GNG12: variants seen among roughly 807,000 people sequenced by gnomAD.
GNG12 encodes guanine nucleotide-binding protein G(I)/G(S)/G(O) subunit gamma-12.
For missense variants in GNG12, 69 were observed against 83.8 expected (o/e 0.82, Z 0.69); for synonymous variants, 28 against 29.7 (o/e 0.94, Z 0.19).
intron 1 of GNG12, among the ~76,000 whole-genome samples, chr1:67,804,796 A>G (rs1240303119): frequency 6.6e-6 from 1 of 152,034 alleles, no homozygotes; most frequent in East Asian, 1.9e-4. Flanking sequence ...TCGTGTGGAC[A>G]AGTCAGGGAG....
intron 2 of GNG12, among the ~76,000 whole-genome samples, chr1:67,747,801 T>C (rs1460489222): frequency 6.6e-6 from 1 of 152,218 alleles, no homozygotes; most frequent in African/African-American, 2.4e-5. Context: ...AGTCACCATC[T>C]CTCCTCCTCT....
At chr1:67,741,303 G>A (rs1646481648) in intron 2 of GNG12, among the ~76,000 whole-genome samples, 1 of 152,182 alleles carries the variant, frequency 6.6e-6, no homozygotes, top group African/African-American at 2.4e-5. Context: ...TTGCACACCT[G>A]GACTTCATGG....
In GNG12 at chr1:67,833,303, G is replaced by A. The variant is rs1012511135; in HGVS notation, c.-77+41C>T. The A allele has an allele frequency of 1.1e-5, 9 of 816,416 alleles. No homozygotes were observed. The African/African-American group carries it at 1.7e-4, about 15-fold the overall frequency. The allele number at this position is 816,416 out of a possible 1,614,324, so 50.6% of individuals were successfully genotyped here. On this transcript the variant is annotated intron_variant, in intron 1 of 3. Coordinates refer to ENST00000370982, the MANE Select transcript of GNG12 (RefSeq NM_018841.6). ...CCCCGCGCCGCGCCCCGACCCCGCG[G>A]GGACCCGACTCACCACCCGCGCCCG...
intron 1 of GNG12, among the ~76,000 whole-genome samples, chr1:67,801,090 C>T (rs1176842286): frequency 6.6e-6 from 1 of 152,076 alleles, no homozygotes; most frequent in Non-Finnish European, 1.5e-5. Flanking sequence ...GGGCAGGAAA[C>T]TTTCCTAGAG....
intron 1 of GNG12, among the ~76,000 whole-genome samples, chr1:67,824,460 T>C (rs1444018715): frequency 2.1e-5 from 3 of 143,120 alleles, no homozygotes; most frequent in East Asian, 4.1e-4. Context: ...CAGTGAGCCA[T>C]GATTGTGCCA....
chr1:67,818,529 T>C (rs2100818603), intron 1 of GNG12, among the ~76,000 whole-genome samples: 1 of 148,094 alleles, frequency 6.8e-6, no homozygotes, highest in Non-Finnish European at 1.5e-5. Context: ...GTCCAGTTCC[T>C]AATCAGATTC....
chr1:67,809,029 C>G (rs1646908747), intron 1 of GNG12, among the ~76,000 whole-genome samples: 1 of 152,080 alleles, frequency 6.6e-6, no homozygotes, highest in African/African-American at 2.4e-5. Context: ...CACTTGATTT[C>G]AAGACTTATT....
chr1:67,814,630 T>C (rs1249608265), intron 1 of GNG12, among the ~76,000 whole-genome samples: 1 of 152,262 alleles, frequency 6.6e-6, no homozygotes, highest in Non-Finnish European at 1.5e-5. Flanking sequence ...TGTCCTCTTG[T>C]AGATTCTGAT....
At chr1:67,708,656 A>G (rs886765378) in intron 2 of GNG12, among the ~76,000 whole-genome samples, 25 of 152,192 alleles carry the variant, frequency 1.6e-4, no homozygotes, top group African/African-American at 6.0e-4. Context: ...GCTGGGGGAA[A>G]AGTGTTGCCT....
Position 67,701,680 on chromosome 1 carries a change from T to C in GNG12, c.*3771A>G, listed in dbSNP as rs1054988834. On this transcript the variant is annotated 3_prime_UTR_variant, in exon 4 of 4. Coordinates refer to ENST00000370982, the MANE Select transcript of GNG12 (RefSeq NM_018841.6). ...TATGGTTAATAAGATGCTGGACAGA[T>C]GCGTAGCCAAAGAATATTACATAAC... 2.0e-5 allele frequency: 3 copies of C among 152,642 alleles called. No homozygotes were observed. The highest frequency in any genetic ancestry group is 7.2e-5 in the African/African-American group (3 of 41,454). 9.5% of individuals were successfully genotyped at this position (152,642 alleles called of 1,614,324 possible).
intron 1 of GNG12, among the ~76,000 whole-genome samples, chr1:67,819,954 C>T (rs72924753): frequency 0.054 from 8,152 of 152,186 alleles, 466 homozygotes; most frequent in African/African-American, 0.15. Flanking sequence ...GTCTCAGTCC[C>T]CTGCTTTGCT....
At chr1:67,792,676 G>A (rs1339265122) in intron 1 of GNG12, among the ~76,000 whole-genome samples, 1 of 152,114 alleles carries the variant, frequency 6.6e-6, no homozygotes, top group Non-Finnish European at 1.5e-5. Flanking sequence ...CCCTCCAGTT[G>A]TATCTGAATA....
intron 2 of GNG12, among the ~76,000 whole-genome samples, chr1:67,719,187 C>T (rs919021581): frequency 4.6e-5 from 7 of 152,194 alleles, no homozygotes; most frequent in Non-Finnish European, 2.9e-5. Context: ...TAAAGTCTCA[C>T]CTGCGAGCCT....
chr1:67,809,822 G>A (rs1270080740), intron 1 of GNG12, among the ~76,000 whole-genome samples: 2 of 152,050 alleles, frequency 1.3e-5, no homozygotes, highest in Non-Finnish European at 2.9e-5. Flanking sequence ...CATTCACTGT[G>A]GGAACGCAAA....
chr1:67,772,535 G>T (rs1421436848), intron 2 of GNG12: 1 of 151,968 alleles, frequency 6.6e-6, no homozygotes, highest in Non-Finnish European at 1.5e-5. Flanking sequence ...CCTCCTTCTG[G>T]TACCAACACC....
intron 2 of GNG12, among the ~76,000 whole-genome samples, chr1:67,768,802 T>C (rs1213850459): frequency 1.3e-5 from 2 of 152,202 alleles, no homozygotes; most frequent in Non-Finnish European, 2.9e-5. Flanking sequence ...AATGTATACA[T>C]ATAAAAAGTA....
At chr1:67,768,298 T>C (rs1646653429) in intron 2 of GNG12, among the ~76,000 whole-genome samples, 2 of 152,228 alleles carry the variant, frequency 1.3e-5, no homozygotes, top group South Asian at 4.1e-4. Context: ...TTGTATAGAT[T>C]TGAGGCTGGG....
intron 1 of GNG12, among the ~76,000 whole-genome samples, chr1:67,782,481 G>A (rs1410181498): frequency 6.6e-6 from 1 of 152,082 alleles, no homozygotes; most frequent in Non-Finnish European, 1.5e-5. Context: ...GCTCCTGGCT[G>A]GAAGAGCTGG....
chr1:67,714,583 C>T (rs1291498696), intron 2 of GNG12, among the ~76,000 whole-genome samples: 1 of 152,194 alleles, frequency 6.6e-6, no homozygotes, highest in Non-Finnish European at 1.5e-5. Context: ...GTGTGAAGTA[C>T]ACCCAGCACT....
Sources: allele counts gnomAD v4.1 joint callset (sites outside exome capture counted in the v4.1 genomes callset), GRCh38; gene constraint gnomAD v4.1.1; transcripts MANE v1.5; gene names NCBI Gene and HGNC (gene_info 2026-07-23, HGNC 2026-07-21).